Variants in BMPR1B observed in about 807,000 individuals in gnomAD.
BMPR1B encodes bone morphogenetic protein receptor type 1B.
Under a neutral mutation model 59.1 loss-of-function variants are expected in BMPR1B, and 12 were observed. The observed-to-expected ratio is 0.20, with a 90% CI of 0.13 to 0.33. The LOEUF (loss-of-function observed/expected upper bound fraction) is 0.33, where lower values mean the gene tolerates loss of function less well. BMPR1B is among the 10% of genes least tolerant of loss of function. The pLI, the probability that BMPR1B is intolerant of heterozygous loss-of-function variation, is 1.00. For missense variants in BMPR1B, 550 were observed against 610.9 expected, an observed-to-expected ratio of 0.90 and a Z score of 1.05; for synonymous variants, 237 against 207.3, an observed-to-expected ratio of 1.14 and a Z score of -1.23.
chr4:95,147,965 GA>G (rs1428375795), intron 10 of BMPR1B, among the ~76,000 whole-genome samples: 1 of 152,132 alleles, frequency 6.6e-6, no homozygotes, highest in Non-Finnish European at 1.5e-5. Context: ...CAGTCTATGG[GA>G]AGGAATAGTA....
intron 4 of BMPR1B, among the ~76,000 whole-genome samples, chr4:95,111,352 G>T (rs949146723): frequency 6.6e-6 from 1 of 151,998 alleles, no homozygotes; most frequent in Non-Finnish European, 1.5e-5. Context: ...CAACCCTGGG[G>T]TTTACAATAA....
At chr4:94,767,337 A>G (rs1722008010) in intron 1 of BMPR1B, among the ~76,000 whole-genome samples, 1 of 152,178 alleles carries the variant, frequency 6.6e-6, no homozygotes, top group Admixed American at 6.6e-5. Context: ...GTCTCTAAAT[A>G]TTTTATCTTG....
chr4:94,860,052 AAG>A (rs1408480185), intron 1 of BMPR1B, among the ~76,000 whole-genome samples: 2 of 152,174 alleles, frequency 1.3e-5, no homozygotes, highest in African/African-American at 4.8e-5. Flanking sequence ...CTACTGGAGT[AAG>A]AGAAGCAGAA....
intron 3 of BMPR1B, among the ~76,000 whole-genome samples, chr4:95,070,348 G>A (rs953654962): frequency 1.7e-4 from 26 of 152,128 alleles, no homozygotes; most frequent in African/African-American, 5.5e-4. Flanking sequence ...TGGGCATAGC[G>A]AATATAAGAG....
chr4:95,070,203 T>C (rs1435018501), intron 3 of BMPR1B, among the ~76,000 whole-genome samples: 1 of 152,180 alleles, frequency 6.6e-6, no homozygotes, highest in Non-Finnish European at 1.5e-5. Flanking sequence ...GAATGGAAAT[T>C]AGGAGGCTGT....
chr4:94,794,091 C>T (rs1336573248), intron 1 of BMPR1B, among the ~76,000 whole-genome samples: 9 of 150,166 alleles, frequency 6.0e-5, no homozygotes, highest in South Asian at 4.3e-4. Flanking sequence ...GAAGTCCTTG[C>T]CCATGTCTAT....
chr4:95,082,804 C>G (rs971128426), intron 3 of BMPR1B, among the ~76,000 whole-genome samples: 1 of 151,642 alleles, frequency 6.6e-6, no homozygotes, highest in Admixed American at 6.6e-5. Flanking sequence ...TTTGGGAGGC[C>G]GAGGCGGGCG....
chr4:94,910,806 G>A (rs1728243748), intron 2 of BMPR1B, among the ~76,000 whole-genome samples: 1 of 151,984 alleles, frequency 6.6e-6, no homozygotes, highest in African/African-American at 2.4e-5. Context: ...CAGCTGCTCA[G>A]GAGGCGGAGG....
chr4:94,801,000 G>T (rs938075096), intron 1 of BMPR1B, among the ~76,000 whole-genome samples: 3 of 152,146 alleles, frequency 2.0e-5, no homozygotes, highest in Non-Finnish European at 2.9e-5. Context: ...GGATAAGGTG[G>T]GATTTGAGCT....
intron 3 of BMPR1B, among the ~76,000 whole-genome samples, chr4:95,080,574 C>A (rs896375163): frequency 5.3e-5 from 8 of 152,170 alleles, no homozygotes; most frequent in Non-Finnish European, 1.2e-4. Flanking sequence ...ATGCTAATGA[C>A]TGGTTATTGG....
chr4:94,931,427 T>A (rs1460454838), intron 2 of BMPR1B, among the ~76,000 whole-genome samples: 1 of 151,986 alleles, frequency 6.6e-6, no homozygotes, highest in Admixed American at 6.6e-5. Context: ...CAGGATCTTT[T>A]TAAGTGGTTT....
intron 3 of BMPR1B, among the ~76,000 whole-genome samples, chr4:94,996,552 T>TA (rs1722071603): frequency 6.6e-6 from 1 of 152,124 alleles, no homozygotes; most frequent in African/African-American, 2.4e-5. Context: ...GAAGGTGCAG[T>TA]AGTCAGTGTC....
intron 2 of BMPR1B, among the ~76,000 whole-genome samples, chr4:94,883,880 A>G (rs1485847638): frequency 6.6e-6 from 1 of 152,134 alleles, no homozygotes; most frequent in African/African-American, 2.4e-5. Context: ...CTACCAGAGT[A>G]TTTGGCACTT....
intron 3 of BMPR1B, among the ~76,000 whole-genome samples, chr4:95,083,977 A>G (rs975647177): frequency 3.9e-5 from 6 of 152,144 alleles, no homozygotes; most frequent in African/African-American, 1.2e-4. Flanking sequence ...ACAACTATTC[A>G]CTTTTGGCTG....
intron 3 of BMPR1B, among the ~76,000 whole-genome samples, chr4:95,057,890 C>A (rs1288055054): frequency 6.6e-6 from 1 of 152,102 alleles, no homozygotes; most frequent in Non-Finnish European, 1.5e-5. Flanking sequence ...CAGAATTCAG[C>A]AAATGTTACT....
intron 2 of BMPR1B, among the ~76,000 whole-genome samples, chr4:94,923,791 G>T (rs1728787526): frequency 6.6e-6 from 1 of 152,102 alleles, no homozygotes. Flanking sequence ...TCTAGGCACA[G>T]TTTGAGATGT....
chr4:94,940,674 T>C (rs1729476877), intron 2 of BMPR1B, among the ~76,000 whole-genome samples: 1 of 152,210 alleles, frequency 6.6e-6, no homozygotes, highest in East Asian at 1.9e-4. Context: ...TCACTAGCTA[T>C]ACAGAAGGGC....
intron 2 of BMPR1B, among the ~76,000 whole-genome samples, chr4:94,975,902 T>C (rs750309049): frequency 2.0e-5 from 3 of 152,246 alleles, no homozygotes; most frequent in Non-Finnish European, 4.4e-5. Flanking sequence ...TTTTTGTTTC[T>C]ATTAATTCTA....
At chr4:95,061,640 T>G (rs957573519) in intron 3 of BMPR1B, among the ~76,000 whole-genome samples, 1 of 152,218 alleles carries the variant, frequency 6.6e-6, no homozygotes, top group African/African-American at 2.4e-5. Context: ...TTAGGTGAAT[T>G]GTTTAAAGTC....
Sources: allele counts gnomAD v4.1 joint callset (sites outside exome capture counted in the v4.1 genomes callset), GRCh38; gene constraint gnomAD v4.1.1; transcripts MANE v1.5; gene names NCBI Gene and HGNC (gene_info 2026-07-23, HGNC 2026-07-21).